TRPM7: variants seen among roughly 807,000 people sequenced by gnomAD.
TRPM7 encodes the protein transient receptor potential cation channel subfamily M member 7, also known as LTRPC ion channel family member 7.
TRPM7 carries 134 observed loss-of-function variants against 229.7 expected under a neutral mutation model. That is an observed-to-expected ratio of 0.58 (90% CI 0.51 to 0.67). The LOEUF is 0.67. TRPM7 is among the 30% of genes least tolerant of loss of function. The probability of loss-of-function intolerance (pLI) is 0.00; values close to 1 mark genes in which losing one functional copy is unlikely to be tolerated. For missense variants in TRPM7, 1,901 were observed against 2,210.0 expected (o/e 0.86, Z 2.80); for synonymous variants, 699 against 715.2 (o/e 0.98, Z 0.36).
chr15:50,655,449 A>AC (rs1306687918), intron 3 of TRPM7, among the ~76,000 whole-genome samples: 2 of 105,938 alleles, frequency 1.9e-5, no homozygotes, highest in African/African-American at 6.4e-5. Flanking sequence ...AAAAAAAAAC[A>AC]AAAAAACAAA....
chr15:50,641,447 T>C (rs2061099072), intron 5 of TRPM7, among the ~76,000 whole-genome samples: 1 of 152,178 alleles, frequency 6.6e-6, no homozygotes, highest in African/African-American at 2.4e-5. Context: ...CTCATTTCCA[T>C]TTCTCCTCAA....
intron 5 of TRPM7, among the ~76,000 whole-genome samples, chr15:50,642,582 C>T (rs1476889668): frequency 2.0e-5 from 3 of 152,182 alleles, no homozygotes; most frequent in African/African-American, 4.8e-5. Flanking sequence ...TCGCGTGGCA[C>T]TTCTCCTTCC....
At chr15:50,565,777 T>C (rs1217244242) in intron 38 of TRPM7, among the ~76,000 whole-genome samples, 4 of 151,868 alleles carry the variant, frequency 2.6e-5, no homozygotes, top group African/African-American at 7.3e-5. Flanking sequence ...TAGCAGAATA[T>C]ACATTACTTT....
At chr15:50,650,978 C>T (rs931449455) in intron 3 of TRPM7, among the ~76,000 whole-genome samples, 2 of 152,112 alleles carry the variant, frequency 1.3e-5, no homozygotes, top group Non-Finnish European at 2.9e-5. Flanking sequence ...TGCTTGAGCC[C>T]AGGAGTTTAG....
chr15:50,673,621 G>A (rs1403460648), intron 1 of TRPM7, among the ~76,000 whole-genome samples: 5 of 151,392 alleles, frequency 3.3e-5, no homozygotes. Context: ...TTATGGCTGA[G>A]AAGTATTCCC....
intron 19 of TRPM7, among the ~76,000 whole-genome samples, chr15:50,607,885 GAAAAAAA>G (rs758254672): frequency 9.2e-6 from 1 of 109,268 alleles, no homozygotes; most frequent in Non-Finnish European, 1.8e-5. Flanking sequence ...CATCTCTACT[GAAAAAAA>G]AAAAAAAAAA....
intron 21 of TRPM7, among the ~76,000 whole-genome samples, chr15:50,603,773 G>T (rs2059844822): frequency 6.6e-6 from 1 of 152,148 alleles, no homozygotes; most frequent in Non-Finnish European, 1.5e-5. Flanking sequence ...GGGAGTATAA[G>T]AAACTCTAAG....
At chr15:50,630,204 C>G (rs1322868382) in intron 10 of TRPM7, among the ~76,000 whole-genome samples, 1 of 151,600 alleles carries the variant, frequency 6.6e-6, no homozygotes, top group African/African-American at 2.4e-5. Flanking sequence ...AATTTTTTTT[C>G]CTTTTTGGTT....
chr15:50,621,157 CAAAAAAAAAAAA>C (rs35848629), intron 12 of TRPM7, among the ~76,000 whole-genome samples: 2 of 51,848 alleles, frequency 3.9e-5, no homozygotes, highest in Non-Finnish European at 7.8e-5. Flanking sequence ...GACTCCGTCT[CAAAAAAAAAAAA>C]AAAAAAAAAA....
At chr15:50,575,164 T>C in intron 33 of TRPM7, 29 bp from the exon 34 acceptor site, 1 of 1,528,466 alleles carries the variant, frequency 6.5e-7, no homozygotes, top group South Asian at 1.3e-5. Context: ...AAGTTTAAGA[T>C]TAAATTGTGA....
intron 38 of TRPM7, among the ~76,000 whole-genome samples, chr15:50,565,461 A>G (rs533136107): frequency 6.6e-6 from 1 of 152,342 alleles, no homozygotes; most frequent in East Asian, 1.9e-4. Context: ...TGTTAATATT[A>G]GAAAAAGTAT....
intron 26 of TRPM7, among the ~76,000 whole-genome samples, chr15:50,590,094 G>T (rs1252702978): frequency 6.6e-6 from 1 of 152,122 alleles, no homozygotes; most frequent in Non-Finnish European, 1.5e-5. Flanking sequence ...CTGAACTCAA[G>T]ATCTGCCTGT....
At position 50,596,183 on chromosome 15, in the gene TRPM7, T is replaced by C. The variant is rs948608400; in HGVS notation, c.3290+72A>G. ...TAAAATTTTTAGATTTTAAGTTCTA[T>C]AAATTTCCTTCAAAATATGTAGAAT... On this transcript the variant is annotated intron_variant, in intron 23 of 38. Transcript: ENST00000646667. 12 of 1,107,730 alleles carry C rather than the reference T, an allele frequency of 1.1e-5. No homozygotes were observed. The East Asian group carries it at 2.6e-4, about 24-fold the overall frequency. 68.6% of individuals were successfully genotyped at this position (1,107,730 alleles called of 1,614,324 possible).
chr15:50,563,176 A>G (rs2053405348), intron 38 of TRPM7, among the ~76,000 whole-genome samples: 1 of 152,180 alleles, frequency 6.6e-6, no homozygotes, highest in Non-Finnish European at 1.5e-5. Flanking sequence ...ATGCAGTCAC[A>G]CTCATTTGTT....
chr15:50,577,162 G>A (rs1207242105), intron 31 of TRPM7, among the ~76,000 whole-genome samples: 1 of 151,746 alleles, frequency 6.6e-6, no homozygotes, highest in Non-Finnish European at 1.5e-5. Context: ...TGTGTGTGGG[G>A]GGGTAATTAA....
intron 13 of TRPM7, among the ~76,000 whole-genome samples, chr15:50,615,389 G>C (rs1596201997): frequency 6.6e-6 from 1 of 151,956 alleles, no homozygotes; most frequent in African/African-American, 2.4e-5. Flanking sequence ...ACTACCGCTT[G>C]CAACATTGTT....
At chr15:50,579,877 C>A (rs8023464) in intron 30 of TRPM7, among the ~76,000 whole-genome samples, 12,190 of 152,236 alleles carry the variant, frequency 0.08, 807 homozygotes, top group African/African-American at 0.18. Context: ...CTCACTACTC[C>A]TGCGCTCAAA....
At chr15:50,611,388 T>C (rs978708304) in intron 16 of TRPM7, 67 bp from the exon 17 acceptor site, 1 of 1,155,420 alleles carries the variant, frequency 8.7e-7, no homozygotes, top group Non-Finnish European at 1.2e-6. Context: ...ACTATTCTTA[T>C]ATACATTAAT....
chr15:50,568,511 A>G (rs1405230066), intron 38 of TRPM7, among the ~76,000 whole-genome samples: 5 of 152,214 alleles, frequency 3.3e-5, no homozygotes, highest in African/African-American at 1.2e-4. Flanking sequence ...TACCATTTAC[A>G]TACCTAATAA....
Sources: gnomAD v4.1 joint callset for allele counts (sites outside exome capture counted in the v4.1 genomes callset) on GRCh38, gnomAD v4.1.1 for gene constraint, MANE v1.5 for transcripts, NCBI Gene and HGNC (gene_info 2026-07-23, HGNC 2026-07-21) for gene names.